ATAD2B: variants seen among roughly 807,000 people sequenced by gnomAD.
ATAD2B encodes the protein ATPase family AAA domain-containing protein 2B.
In ATAD2B, 40 loss-of-function variants were observed where a neutral mutation model predicts 167.6. The ratio of observed to expected loss-of-function variants is 0.24; its 90% CI spans 0.19 to 0.31. The LOEUF (loss-of-function observed/expected upper bound fraction) is 0.31. Among genes scored for constraint, ATAD2B ranks in the 10% least tolerant of loss-of-function variants. ATAD2B has a pLI of 1.00. For missense variants in ATAD2B, 1,242 were observed against 1,757.2 expected, an observed-to-expected ratio of 0.71 and a Z score of 5.24; for synonymous variants, 579 against 596.5, an observed-to-expected ratio of 0.97 and a Z score of 0.43.
At chr2:23,774,354 C>A (rs549874711) in intron 22 of ATAD2B, among the ~76,000 whole-genome samples, 7 of 152,238 alleles carry the variant, frequency 4.6e-5, no homozygotes, top group African/African-American at 1.7e-4. Context: ...ACTCGGGAGG[C>A]TGAGGTGGGA....
At chr2:23,868,030 T>C (rs1695401485) in intron 9 of ATAD2B, 84 bp from the exon 10 acceptor site, 2 of 813,730 alleles carry the variant, frequency 2.5e-6, no homozygotes, top group Non-Finnish European at 2.0e-6. Flanking sequence ...CTTTGATGTG[T>C]CTTCATCTTT....
In ATAD2B at chr2:23,752,097, G is replaced by GA. The variant is rs753724671; in HGVS notation, c.4336-11dup. 114 of 1,530,626 alleles carry GA rather than the reference G, an allele frequency of 7.4e-5. 1 individual carries two copies. The Admixed American group carries it at 9.2e-4, about 12-fold the overall frequency. 94.8% of individuals were successfully genotyped at this position (1,530,626 alleles called of 1,614,324 possible). On this transcript the variant is annotated splice_polypyrimidine_tract_variant and intron_variant, in intron 27 of 27. Coordinates refer to ENST00000238789, the MANE Select transcript of ATAD2B (RefSeq NM_017552.4). The stretch of plus-strand genomic sequence containing the variant: ...CTGTTCTTTCCATCTCCTATAAAAG[G>GA]AAAAAAAATGCATGTTATCTATTAA...
At chr2:23,737,490 T>G in the ATAD2B span, among the ~76,000 whole-genome samples, 1 of 152,296 alleles carries the variant, frequency 6.6e-6, no homozygotes, top group South Asian at 2.1e-4. Flanking sequence ...GAGGGTCCTC[T>G]CTGTTAGAAG....
intron 13 of ATAD2B, among the ~76,000 whole-genome samples, chr2:23,845,410 A>G (rs1691603517): frequency 6.6e-6 from 1 of 152,046 alleles, no homozygotes; most frequent in Non-Finnish European, 1.5e-5. Flanking sequence ...GATGTTCCTC[A>G]AAACCATTAT....
At chr2:23,696,542 A>G in the ATAD2B span, 3 of 1,472,582 alleles carry the variant, frequency 2.0e-6, no homozygotes, top group Non-Finnish European at 2.7e-6. This position sits in a 1 kb window ranked among gnomAD's most constrained non-coding sequence, Gnocchi z 5.5. Context: ...GGACAGGGGC[A>G]TGCTCTTTGC....
At chr2:23,870,373 A>T (rs71437499) in intron 8 of ATAD2B, among the ~76,000 whole-genome samples, 10 of 149,796 alleles carry the variant, frequency 6.7e-5, no homozygotes, top group Admixed American at 2.7e-4. Context: ...TACAGCCTCA[A>T]CCTCCAGGGC....
chr2:23,781,526 G>C (rs533872880), intron 22 of ATAD2B, among the ~76,000 whole-genome samples: 1 of 151,790 alleles, frequency 6.6e-6, no homozygotes, highest in African/African-American at 2.4e-5. Context: ...TTAGCTGGAC[G>C]TGGTGGCAGG....
intron 13 of ATAD2B, chr2:23,856,396 G>A: frequency 2.9e-6 from 1 of 346,828 alleles, no homozygotes; most frequent in Non-Finnish European, 5.9e-6. Context: ...TCAGATTTTT[G>A]GATTTGGGAT....
chr2:23,702,405 T>C, the ATAD2B span, among the ~76,000 whole-genome samples: 1 of 152,194 alleles, frequency 6.6e-6, no homozygotes, highest in Non-Finnish European at 1.5e-5. Context: ...TTGAACACTG[T>C]ATATTACATC....
the ATAD2B span, among the ~76,000 whole-genome samples, chr2:23,730,398 G>A: frequency 1.3e-5 from 2 of 152,010 alleles, no homozygotes; most frequent in Non-Finnish European, 2.9e-5. Context: ...CGGGCACAGT[G>A]GCTCATGCCT....
the ATAD2B span, chr2:23,696,246 G>C: frequency 1.3e-6 from 2 of 1,490,922 alleles, no homozygotes. The surrounding 1 kb of genome is among the most constrained non-coding windows in gnomAD (Gnocchi z 5.5). Context: ...TGCAGGTGAA[G>C]CCTTCCTCTG....
intron 14 of ATAD2B, among the ~76,000 whole-genome samples, chr2:23,833,401 T>G (rs1407546452): frequency 1.3e-5 from 2 of 152,126 alleles, no homozygotes; most frequent in African/African-American, 4.8e-5. Flanking sequence ...AAAAAAAAAT[T>G]TGTATATCAT....
In ATAD2B at chr2:23,823,897, G is replaced by C. The variant is rs147114846; in HGVS notation, c.1820-328C>G. ...TTAAAACAAAAGCCATGTATTATGTGATTAACTGATTACAATGTACAACTT... is the reference window on the plus strand; with the variant it reads ...TTAAAACAAAAGCCATGTATTATGTCATTAACTGATTACAATGTACAACTT... On this transcript the variant is annotated intron_variant, in intron 15 of 27. Coordinates refer to ENST00000238789, the MANE Select transcript of ATAD2B (RefSeq NM_017552.4). Among the ~76,000 whole-genome samples, 557 of 151,476 alleles carry C rather than the reference G, an allele frequency of 3.7e-3. 2 individuals carry two copies. Among genetic ancestry groups the C allele is most frequent in the Non-Finnish European group, 6.4e-3 (434 of 67,910 alleles).
rs575460826 is a variant in ATAD2B at position 23,907,233 on chromosome 2, C to G, written c.217-11263G>C. On this transcript the variant is annotated intron_variant, in intron 1 of 27. Coordinates refer to ENST00000238789, the MANE Select transcript of ATAD2B (RefSeq NM_017552.4). ...TCTAGAAAATCCCACTGTCTCAGCC[C>G]AAAATCTCCTTAAGCTGATAAGCAA... Among the ~76,000 whole-genome samples, 228 of 152,216 alleles carry G rather than the reference C, an allele frequency of 1.5e-3. 1 individual carries two copies. Among genetic ancestry groups the G allele is most frequent in the African/African-American group, 5.2e-3 (216 of 41,512 alleles).
At chr2:23,851,220 C>G (rs1239211254) in intron 13 of ATAD2B, among the ~76,000 whole-genome samples, 1 of 152,222 alleles carries the variant, frequency 6.6e-6, no homozygotes, top group African/African-American at 2.4e-5. Flanking sequence ...TTGTGGCTCA[C>G]TGCAGCCTTG....
At chr2:23,847,636 G>C (rs1691874849) in intron 13 of ATAD2B, among the ~76,000 whole-genome samples, 1 of 151,664 alleles carries the variant, frequency 6.6e-6, no homozygotes, top group Admixed American at 6.6e-5. Flanking sequence ...CTTGGTGAAG[G>C]GAATGAGACG....
At chr2:23,830,370 T>C (rs1688854398) in intron 14 of ATAD2B, among the ~76,000 whole-genome samples, 1 of 152,250 alleles carries the variant, frequency 6.6e-6, no homozygotes, top group Admixed American at 6.5e-5. Context: ...ATCAGAATTT[T>C]GTTTTCACAT....
chr2:23,925,581 ACTCTT>A lies in ATAD2B; in HGVS notation c.216+969_216+973del, dbSNP rs576239615. On this transcript the variant is annotated intron_variant, in intron 1 of 27. Coordinates refer to ENST00000238789, the MANE Select transcript of ATAD2B (RefSeq NM_017552.4). ...AACCTCTTTTAGACAGAAGCAATAC[ACTCTT>A]CTCTGAATTCAGAAACAATCTCATA... Among the ~76,000 whole-genome samples the A allele has an allele frequency of 3.3e-3, 498 of 152,314 alleles. 4 individuals are homozygous for A. Among genetic ancestry groups the A allele is most frequent in the African/African-American group, 0.012 (484 of 41,562 alleles).
chr2:23,711,338 C>CTTTT, the ATAD2B span, among the ~76,000 whole-genome samples: 1 of 45,622 alleles, frequency 2.2e-5, no homozygotes, highest in Non-Finnish European at 3.8e-5. Flanking sequence ...CACAGAATTT[C>CTTTT]TTTCTTTTTT....
Sources: gnomAD v4.1 joint callset for allele counts (sites outside exome capture counted in the v4.1 genomes callset) on GRCh38, gnomAD v4.1.1 for gene constraint, Gnocchi (gnomAD v3.1) non-coding constraint, MANE v1.5 for transcripts, NCBI Gene and HGNC (gene_info 2026-07-23, HGNC 2026-07-21) for gene names.